The following KIFC3 variants were observed in gnomAD, a reference collection of about 807,000 sequenced individuals.
KIFC3 encodes the protein kinesin family member C3.
A neutral mutation model predicts 101.8 loss-of-function variants in KIFC3; 60 were observed. That is an observed-to-expected ratio of 0.59 (90% CI 0.48 to 0.73). The LOEUF (loss-of-function observed/expected upper bound fraction) is 0.73, where lower values mean the gene tolerates loss of function less well. Among genes scored for constraint, KIFC3 ranks in the 30% least tolerant of loss-of-function variants. The pLI, the probability that KIFC3 is intolerant of heterozygous loss-of-function variation, is 0.00. For missense variants in KIFC3, 966 were observed against 1,137.1 expected (o/e 0.85, Z 2.16); for synonymous variants, 476 against 482.7 (o/e 0.99, Z 0.18).
Position 57,798,168 on chromosome 16 carries a change from G to T in KIFC3, c.76C>A (p.Pro26Thr). ...CGAGCCATCCCCGGCTCGGGCTCCG[G>T]GGCCCGGCCCACTCTCCACAGGCCC... ...LRGLWRVGRA[P>T]EPEPGMARPA... Residue 26 changes from proline (P) to threonine (T), a missense_variant, in exon 2 of 20, where the codon CCG (proline) becomes ACG (threonine). Physicochemically the swap from Pro to Thr is conservative, Grantham distance 38. Transcript: ENST00000445690. The T allele has an allele frequency of 6.5e-7, 1 of 1,540,370 alleles. No homozygotes were observed. Among genetic ancestry groups the T allele is most frequent in the East Asian group, 2.4e-5 (1 of 41,010 alleles).
At chr16:57,809,361 T>A (rs2055013201) in intron 1 of KIFC3, among the ~76,000 whole-genome samples, 1 of 152,160 alleles carries the variant, frequency 6.6e-6, no homozygotes, top group Non-Finnish European at 1.5e-5. Context: ...GGTGGCATGA[T>A]CAGAGCTCAC....
intron 1 of KIFC3, among the ~76,000 whole-genome samples, chr16:57,845,718 C>T (rs2055904642): frequency 6.6e-6 from 1 of 152,194 alleles, no homozygotes; most frequent in South Asian, 2.1e-4. Flanking sequence ...GCTCTTTGCA[C>T]CCCTTACTCT....
intron 11 of KIFC3, among the ~76,000 whole-genome samples, chr16:57,765,196 C>T (rs955681743): frequency 6.6e-6 from 1 of 151,870 alleles, no homozygotes; most frequent in Non-Finnish European, 1.5e-5. Context: ...TAGAAGGGGC[C>T]TTGGGGACGG....
Position 57,762,961 on chromosome 16 carries a change from T to TCCCTCAGGGAGGCTGCTCCCAAGATGCC in KIFC3, c.1618-719_1618-692dup, listed in dbSNP as rs1345508190. Among the ~76,000 whole-genome samples the TCCCTCAGGGAGGCTGCTCCCAAGATGCC allele has an allele frequency of 2.6e-3, 398 of 152,082 alleles. 2 individuals carry two copies. The Middle Eastern group carries it at 0.031, about 12-fold the overall frequency. On this transcript the variant is annotated intron_variant, in intron 12 of 19. Transcript: ENST00000445690. ...CCGCCCCTTGGCCGGCTCCGTCATC[T>TCCCTCAGGGAGGCTGCTCCCAAGATGCC]CCCTCAGGGAGGCTGCTCCCAAGAT...
chr16:57,818,999 G>A (rs184531431), intron 1 of KIFC3, among the ~76,000 whole-genome samples: 21 of 152,280 alleles, frequency 1.4e-4, no homozygotes, highest in Admixed American at 9.2e-4. Flanking sequence ...GCTGAGCCAC[G>A]GAGTCTGGGG....
At chr16:57,820,701 G>A (rs539449503) in intron 1 of KIFC3, among the ~76,000 whole-genome samples, 12 of 152,080 alleles carry the variant, frequency 7.9e-5, no homozygotes, top group Admixed American at 1.3e-4. Context: ...CTTCTTAATC[G>A]TCTTTCTCTC....
At chr16:57,816,424 G>A (rs2055226276) in intron 1 of KIFC3, 2 of 508,932 alleles carry the variant, frequency 3.9e-6, no homozygotes, top group South Asian at 1.5e-5. Flanking sequence ...TGGGCCAAGA[G>A]GCAAAGGTTT....
chr16:57,772,274 C>T lies in KIFC3; in HGVS notation c.330G>A (p.Lys110=), dbSNP rs888637865. 1 of 1,613,908 alleles carries T rather than the reference C, an allele frequency of 6.2e-7. No individual in the cohort carries two copies. The highest frequency in any genetic ancestry group is 2.2e-5 in the East Asian group (1 of 44,890). Residue 110 remains lysine, a synonymous_variant, in exon 4 of 20, where the codon AAG becomes AAA. Coordinates refer to ENST00000445690, the MANE Select transcript of KIFC3 (RefSeq NM_001130100.2). ...LYLTLQVEHL[K]EKLISQAQEV... The stretch of plus-strand genomic sequence containing the variant: ...CCTGGGCCTGGCTAATGAGCTTCTC[C>T]TTCAGGTGTTCTACCTGTGGGCACA...
At chr16:57,860,957 C>T (rs959890082) in intron 1 of KIFC3, among the ~76,000 whole-genome samples, 2 of 152,118 alleles carry the variant, frequency 1.3e-5, no homozygotes, top group African/African-American at 4.8e-5. Flanking sequence ...AGAGATCCAT[C>T]CATCTCAGCC....
At chr16:57,775,394 G>A (rs1445978003) in intron 3 of KIFC3, 30 of 1,057,578 alleles carry the variant, frequency 2.8e-5, no homozygotes, top group Middle Eastern at 4.3e-4. Context: ...GGCCTGCTCC[G>A]TGGCAGGTGG....
intron 1 of KIFC3, among the ~76,000 whole-genome samples, chr16:57,854,582 C>T (rs562406704): frequency 1.3e-5 from 2 of 150,122 alleles, no homozygotes; most frequent in Admixed American, 6.7e-5. Context: ...GAGTTGAGAT[C>T]GCGCCACTCC....
In KIFC3 at chr16:57,770,634, G is replaced by C. The variant is rs183425954; in HGVS notation, c.832C>G (p.Arg278Gly). The stretch of plus-strand genomic sequence containing the variant: ...ACCTGCTCCTGCAGGTGCTGGTTCC[G>C]GGCCTGGGACTCGCTGAGGGCCTGC... ...TKQALSESQA[R>G]NQHLQEQVAM... Residue 278 changes from arginine (R) to glycine (G), a missense_variant, in exon 7 of 20, where the codon CGG becomes GGG. This residue lies in a region of KIFC3 where 689 missense variants were observed against 884.6 expected (regional missense o/e 0.78). Transcript: ENST00000445690. The C allele has an allele frequency of 6.4e-7, 1 of 1,554,558 alleles. No homozygotes were observed.
At chr16:57,855,142 T>C (rs1292911385) in intron 1 of KIFC3, among the ~76,000 whole-genome samples, 1 of 144,392 alleles carries the variant, frequency 6.9e-6, no homozygotes, top group Non-Finnish European at 1.5e-5. Flanking sequence ...TTTTTTTTTT[T>C]TAGACATGGT....
rs377001054 is a variant in KIFC3 at position 57,855,911 on chromosome 16, A to C, written c.108+6818T>G. ...TAGTGAGCCAAGATCATGCCACTGC[A>C]CTCCAGCCTGGGTGACAGAGTGAGA... is the stretch of plus-strand genomic sequence containing the variant. On this transcript the variant is annotated intron_variant, in intron 1 of 2. Coordinates refer to the KIFC3 transcript ENST00000563028. Among the ~76,000 whole-genome samples the C allele has an allele frequency of 2.0e-5, 3 of 150,120 alleles. No homozygotes were observed. In the East Asian group the frequency reaches 5.9e-4, roughly 30 times the overall value.
chr16:57,783,445 A>G (rs1364218734), intron 3 of KIFC3, among the ~76,000 whole-genome samples: 1 of 149,026 alleles, frequency 6.7e-6, no homozygotes, highest in South Asian at 2.1e-4. Context: ...CATGTGAATT[A>G]TATCTCCACA....
At position 57,836,672 on chromosome 16, in the gene KIFC3, C is replaced by A. The variant is rs376822071; in HGVS notation, c.108+26057G>T. ...CTGGCTTTCTCAGCCCTTTATGGGACATCTCAGCCCTTTATGTATTTTTGT... is the reference window on the plus strand; with the variant it reads ...CTGGCTTTCTCAGCCCTTTATGGGAAATCTCAGCCCTTTATGTATTTTTGT... On this transcript the variant is annotated intron_variant, in intron 1 of 2. Coordinates refer to the KIFC3 transcript ENST00000563028. Among the ~76,000 whole-genome samples the A allele has an allele frequency of 1.8e-4, 27 of 152,222 alleles. No individual in the cohort carries two copies. In the East Asian group the frequency reaches 4.2e-3, roughly 24 times the overall value.
intron 1 of KIFC3, among the ~76,000 whole-genome samples, chr16:57,855,686 C>T (rs749155097): frequency 6.6e-6 from 1 of 151,848 alleles, no homozygotes; most frequent in Non-Finnish European, 1.5e-5. Context: ...TGGCTCAGGC[C>T]CGTAATCTCA....
At chr16:57,850,441 A>T (rs2056025977) in intron 1 of KIFC3, among the ~76,000 whole-genome samples, 1 of 149,286 alleles carries the variant, frequency 6.7e-6, no homozygotes, top group Non-Finnish European at 1.5e-5. Flanking sequence ...TAATAATAAT[A>T]AATAAAAATA....
chr16:57,798,594 C>T (rs1173091760), intron 1 of KIFC3: 7 of 470,418 alleles, frequency 1.5e-5, no homozygotes, highest in Non-Finnish European at 2.7e-5. Flanking sequence ...CAGGTCCTAG[C>T]CCCACACAGA....
Sources: allele counts gnomAD v4.1 joint callset (sites outside exome capture counted in the v4.1 genomes callset), GRCh38; gene constraint gnomAD v4.1.1; regional missense constraint gnomAD v4.1.1; transcripts MANE v1.5; gene names NCBI Gene and HGNC (gene_info 2026-07-23, HGNC 2026-07-21).